MYO1D: variants seen among roughly 807,000 people sequenced by gnomAD.
The protein encoded by MYO1D is unconventional myosin-Id.
In MYO1D, 83 loss-of-function variants were observed where a neutral mutation model predicts 122.0. That is an observed-to-expected ratio of 0.68 (90% CI 0.57 to 0.82). The LOEUF is 0.82. Among genes scored for constraint, MYO1D ranks in the 40% least tolerant of loss-of-function variants. The pLI, the probability that MYO1D is intolerant of heterozygous loss-of-function variation, is 0.00. For synonymous variants in MYO1D, 464 were observed against 446.9 expected, an observed-to-expected ratio of 1.04 and a Z score of -0.48; for missense variants, 1,157 against 1,269.5, an observed-to-expected ratio of 0.91 and a Z score of 1.35.
intron 19 of MYO1D, among the ~76,000 whole-genome samples, chr17:32,639,725 A>G (rs1177891690): frequency 6.6e-6 from 1 of 152,108 alleles, no homozygotes; most frequent in Non-Finnish European, 1.5e-5. Flanking sequence ...CGTACCTAGC[A>G]CTAAACATTT....
chr17:32,609,355 G>A (rs973792067), intron 20 of MYO1D, among the ~76,000 whole-genome samples: 3 of 152,216 alleles, frequency 2.0e-5, no homozygotes, highest in Admixed American at 1.3e-4. Context: ...GGGGGATGGC[G>A]CAGTGCCACA....
chr17:32,593,325 C>T (rs1244652817), intron 21 of MYO1D, among the ~76,000 whole-genome samples: 2 of 152,182 alleles, frequency 1.3e-5, no homozygotes, highest in Admixed American at 1.3e-4. Context: ...GAGATTGTGA[C>T]AGCATTTGAC....
At chr17:32,630,327 G>C (rs1183641881) in intron 20 of MYO1D, among the ~76,000 whole-genome samples, 1 of 152,100 alleles carries the variant, frequency 6.6e-6, no homozygotes, top group African/African-American at 2.4e-5. Flanking sequence ...GCCTCCCAAA[G>C]TGCTGGGATT....
At chr17:32,761,220 G>A (rs1473747470) in intron 8 of MYO1D, among the ~76,000 whole-genome samples, 1 of 151,990 alleles carries the variant, frequency 6.6e-6, no homozygotes, top group Non-Finnish European at 1.5e-5. Context: ...ACGTCACATC[G>A]TTAGAAAACC....
At position 32,700,442 on chromosome 17, in the gene MYO1D, C is replaced by T. The variant is rs1003173180; in HGVS notation, c.2121+11546G>A. ...AACAGGCCACGGACCAGTACCAGTC[C>T]GTGGCACAAGGGTTGGGGACCCCTG... On this transcript the variant is annotated intron_variant, in intron 16 of 21. Transcript: ENST00000318217. Among the ~76,000 whole-genome samples the T allele has an allele frequency of 5.9e-5, 9 of 152,172 alleles. No homozygotes were observed. The South Asian group carries it at 6.2e-4, about 10-fold the overall frequency.
At chr17:32,834,936 C>T (rs1310924443) in intron 1 of MYO1D, among the ~76,000 whole-genome samples, 3 of 152,124 alleles carry the variant, frequency 2.0e-5, no homozygotes, top group East Asian at 1.9e-4. Context: ...CCGCTGAACC[C>T]GGAAGGCGGA....
Position 32,721,209 on chromosome 17 carries a change from A to G in MYO1D, c.1747-20T>C. ...TGGTTCCTAAAGAAATAAATCAGCA[A>G]ATGGTAAGTTTCACTGGAGAAAATT... is the stretch of plus-strand genomic sequence containing the variant. On this transcript the variant is annotated intron_variant, in intron 14 of 21. Coordinates refer to ENST00000318217, the MANE Select transcript of MYO1D (RefSeq NM_015194.3). The G allele has an allele frequency of 6.2e-7, 1 of 1,609,140 alleles. No individual in the cohort carries two copies. The highest frequency in any genetic ancestry group is 8.5e-7 in the Non-Finnish European group (1 of 1,176,576).
At chr17:32,669,717 GA>G (rs1394599129) in intron 16 of MYO1D, among the ~76,000 whole-genome samples, 2 of 151,960 alleles carry the variant, frequency 1.3e-5, no homozygotes, top group Non-Finnish European at 2.9e-5. Context: ...CAAAATAAAA[GA>G]ATTATTCAAA....
chr17:32,818,398 A>G (rs1021179101), intron 1 of MYO1D, among the ~76,000 whole-genome samples: 2 of 152,160 alleles, frequency 1.3e-5, no homozygotes, highest in African/African-American at 4.8e-5. Flanking sequence ...AGTATCCAAT[A>G]GTAGCTCCAG....
At chr17:32,744,171 G>A (rs969647065) in intron 13 of MYO1D, among the ~76,000 whole-genome samples, 4 of 152,068 alleles carry the variant, frequency 2.6e-5, no homozygotes, top group African/African-American at 9.7e-5. Flanking sequence ...CAATGGCCTT[G>A]CTGTCAATAC....
At position 32,688,224 on chromosome 17, in the gene MYO1D, A is replaced by G. The variant is rs180915805; in HGVS notation, c.2121+23764T>C. Reference sequence around the variant, plus strand: ...ATAAATTCCATGGGAATAACCTTGAATCAACTCCTACTTGTAAAATGATTC... The same window carrying G: ...ATAAATTCCATGGGAATAACCTTGAGTCAACTCCTACTTGTAAAATGATTC... On this transcript the variant is annotated intron_variant, in intron 16 of 21. Transcript: ENST00000318217. 7.2e-5 allele frequency among the ~76,000 whole-genome samples: 11 copies of G among 152,306 alleles called. No individual in the cohort carries two copies. In the East Asian group the frequency reaches 1.9e-3, roughly 27 times the overall value.
chr17:32,792,502 A>C (rs2090364263), intron 1 of MYO1D: 1 of 152,188 alleles, frequency 6.6e-6, no homozygotes, highest in African/African-American at 2.4e-5. Context: ...CCAAGGGTGA[A>C]AGCATCTTGT....
chr17:32,690,751 T>C (rs1360624974), intron 16 of MYO1D, among the ~76,000 whole-genome samples: 1 of 152,180 alleles, frequency 6.6e-6, no homozygotes, highest in Non-Finnish European at 1.5e-5. Flanking sequence ...GGAAGCTCTT[T>C]GAGGGCCTCA....
At chr17:32,816,454 C>T (rs1349909598) in intron 1 of MYO1D, among the ~76,000 whole-genome samples, 3 of 152,158 alleles carry the variant, frequency 2.0e-5, no homozygotes, top group Non-Finnish European at 4.4e-5. Flanking sequence ...ATTTACTTTT[C>T]GTCTTAAACT....
At chr17:32,593,510 A>G (rs1383133048) in intron 21 of MYO1D, among the ~76,000 whole-genome samples, 1 of 152,252 alleles carries the variant, frequency 6.6e-6, no homozygotes, top group Non-Finnish European at 1.5e-5. Flanking sequence ...TTACTGCTGC[A>G]GTACAGAAGA....
chr17:32,548,857 G>A (rs1232328967), intron 21 of MYO1D, among the ~76,000 whole-genome samples: 1 of 151,642 alleles, frequency 6.6e-6, no homozygotes, highest in Non-Finnish European at 1.5e-5. Flanking sequence ...GGGATTACAG[G>A]TGTGCACCAC....
At chr17:32,861,967 G>A (rs2091081144) in intron 1 of MYO1D, among the ~76,000 whole-genome samples, 1 of 152,170 alleles carries the variant, frequency 6.6e-6, no homozygotes, top group African/African-American at 2.4e-5. Flanking sequence ...GCAGTGAGCT[G>A]AGATTGTGCC....
chr17:32,813,335 A>G (rs2090588021), intron 1 of MYO1D, among the ~76,000 whole-genome samples: 1 of 152,232 alleles, frequency 6.6e-6, no homozygotes. Flanking sequence ...TAAAAGGAAA[A>G]TGTAACAAAG....
At chr17:32,730,356 T>C (rs1359718003) in intron 14 of MYO1D, among the ~76,000 whole-genome samples, 1 of 152,214 alleles carries the variant, frequency 6.6e-6, no homozygotes, top group Admixed American at 6.5e-5. Flanking sequence ...ATCTGTATTT[T>C]CCATTCCACA....
Sources: allele counts gnomAD v4.1 joint callset (sites outside exome capture counted in the v4.1 genomes callset), GRCh38; gene constraint gnomAD v4.1.1; transcripts MANE v1.5; gene names NCBI Gene and HGNC (gene_info 2026-07-23, HGNC 2026-07-21).